KIF14: variants seen among roughly 807,000 people sequenced by gnomAD.
KIF14 encodes kinesin family member 14.
A neutral mutation model predicts 176.2 loss-of-function variants in KIF14; 98 were observed. That is an observed-to-expected ratio of 0.56 (90% CI 0.47 to 0.66). The LOEUF (loss-of-function observed/expected upper bound fraction) is 0.66, where lower values mean the gene tolerates loss of function less well. Among genes scored for constraint, KIF14 ranks in the 30% least tolerant of loss-of-function variants. The pLI is 0.00. For synonymous variants in KIF14, 566 were observed against 632.2 expected, an observed-to-expected ratio of 0.90 and a Z score of 1.57; for missense variants, 1,751 against 1,920.4, an observed-to-expected ratio of 0.91 and a Z score of 1.65.
chr1:200,595,075 T>G (rs190080729), intron 14 of KIF14, among the ~76,000 whole-genome samples: 14 of 152,298 alleles, frequency 9.2e-5, no homozygotes, highest in Admixed American at 9.2e-4. Context: ...TAATCAACCA[T>G]ATGAATACTC....
At chr1:200,596,902 T>TC (rs1337041152) in intron 14 of KIF14, among the ~76,000 whole-genome samples, 9 of 143,532 alleles carry the variant, frequency 6.3e-5, no homozygotes, top group African/African-American at 2.1e-4. Context: ...TTTTTTTTTT[T>TC]TTTTTTTTTT....
chr1:200,600,752 G>A (rs1057399456), intron 11 of KIF14, among the ~76,000 whole-genome samples: 2 of 152,120 alleles, frequency 1.3e-5, no homozygotes, highest in African/African-American at 4.8e-5. Flanking sequence ...ATAATGTACT[G>A]ACCAAAGTGG....
rs966428066 is a variant in KIF14 at position 200,593,667 on chromosome 1, A to G, written c.2652T>C (p.His884=). ...TATATTATAGCACCCATCCACTTAC[A>G]TGACGTAATACTGTGATTTCCAAAA... ...KHILEITVLR[H]GDRVILGGDH... Residue 884 remains histidine (H), a splice_region_variant and synonymous_variant, in exon 15 of 30, where the codon CAT becomes CAC. Transcript: ENST00000367350. The G allele has an allele frequency of 1.9e-6, 3 of 1,569,798 alleles. No individual in the cohort carries two copies. The highest frequency in any genetic ancestry group is 1.7e-5 in the Admixed American group (1 of 59,896).
At chr1:200,581,757 T>G (rs1658468795) in intron 19 of KIF14, among the ~76,000 whole-genome samples, 1 of 135,814 alleles carries the variant, frequency 7.4e-6, no homozygotes, top group East Asian at 2.6e-4. Context: ...ACAATTTCAC[T>G]TTCCTTTTTT....
chr1:200,608,125 A>T (rs1170641229), intron 5 of KIF14, among the ~76,000 whole-genome samples: 1 of 152,214 alleles, frequency 6.6e-6, no homozygotes, highest in Non-Finnish European at 1.5e-5. Context: ...GATTATCTAC[A>T]AGGTATGAAT....
chr1:200,583,560 G>A (rs1278934358), intron 19 of KIF14, among the ~76,000 whole-genome samples: 1 of 152,128 alleles, frequency 6.6e-6, no homozygotes, highest in Non-Finnish European at 1.5e-5. Context: ...TTTATAGTTT[G>A]TTTAAAATTT....
In KIF14 at chr1:200,593,436, T is replaced by C. The variant is rs1388789043; in HGVS notation, c.2652+231A>G. Among the ~76,000 whole-genome samples, 6 of 152,240 alleles carry C rather than the reference T, an allele frequency of 3.9e-5. No individual in the cohort carries two copies. In the East Asian group the frequency reaches 7.7e-4, roughly 20 times the overall value. ...TCTGATTCTAAAGCCTAGCTCTTTATAGGACACATAATGATGCTATTAGTG... is the reference window on the plus strand; with the variant it reads ...TCTGATTCTAAAGCCTAGCTCTTTACAGGACACATAATGATGCTATTAGTG... On this transcript the variant is annotated intron_variant, in intron 15 of 29. Transcript: ENST00000367350.
In KIF14 at chr1:200,618,511, G is replaced by A; in HGVS notation, c.213C>T (p.Ala71=). ...RDINRTYVIS[A]SRKTADMPLT... is the part of the protein sequence containing the mutation. Reference sequence around the variant, plus strand: ...GGGGCATGTCTGCTGTTTTTCTACTGGCAGAAATAACATAAGTTCTATTTA... The same window carrying A: ...GGGGCATGTCTGCTGTTTTTCTACTAGCAGAAATAACATAAGTTCTATTTA... Residue 71 remains alanine, a synonymous_variant, in exon 2 of 30, where the codon GCC becomes GCT. Coordinates refer to ENST00000367350, the MANE Select transcript of KIF14 (RefSeq NM_014875.3). The A allele has an allele frequency of 6.2e-7, 1 of 1,613,994 alleles. No homozygotes were observed. Among genetic ancestry groups the A allele is most frequent in the Non-Finnish European group, 8.5e-7 (1 of 1,179,900 alleles).
intron 19 of KIF14, among the ~76,000 whole-genome samples, chr1:200,584,194 C>T (rs1658614260): frequency 7.5e-6 from 1 of 133,154 alleles, no homozygotes; most frequent in South Asian, 2.5e-4. Flanking sequence ...CTCCAGCCTG[C>T]CAACACATAA....
At chr1:200,554,663 G>T in intron 28 of KIF14, 57 bp from the exon 29 acceptor site, 1 of 866,432 alleles carries the variant, frequency 1.2e-6, no homozygotes, top group Non-Finnish European at 1.8e-6. Context: ...ATGGCAGTAA[G>T]GCTCAGTCAA....
intron 5 of KIF14, among the ~76,000 whole-genome samples, chr1:200,607,181 C>T (rs1406381446): frequency 6.6e-6 from 1 of 151,718 alleles, no homozygotes; most frequent in African/African-American, 2.4e-5. Flanking sequence ...GCTCTGTGGC[C>T]CAGGCTGGAG....
In KIF14 at chr1:200,618,627, T is replaced by A. The variant is rs760296546; in HGVS notation, c.97A>T (p.Ser33Cys). The A allele has an allele frequency of 3.1e-6, 5 of 1,614,122 alleles. No homozygotes were observed. In the East Asian group the frequency reaches 1.1e-4, roughly 36 times the overall value. Residue 33 changes from serine (S) to cysteine (C), a missense_variant, in exon 2 of 30, where the codon AGT becomes TGT. Ser to Cys is a moderately radical substitution (Grantham distance 112). Coordinates refer to ENST00000367350, the MANE Select transcript of KIF14 (RefSeq NM_014875.3). ...NSSSLNALTH[S>C]SRLKLHLKSD... ...TTCAAATGCAGCTTAAGTCGGCTACTGTGGGTGAGGGCATTCAGTGATGAA... is the reference window on the plus strand; with the variant it reads ...TTCAAATGCAGCTTAAGTCGGCTACAGTGGGTGAGGGCATTCAGTGATGAA...
chr1:200,581,821 T>C (rs956796835), intron 19 of KIF14, among the ~76,000 whole-genome samples: 1 of 145,686 alleles, frequency 6.9e-6, no homozygotes, highest in Admixed American at 7.2e-5. Flanking sequence ...GGCTATATAG[T>C]ACAGTGGCTC....
At position 200,583,123 on chromosome 1, in the gene KIF14, A is replaced by C. The variant is rs552423223; in HGVS notation, c.3242-1829T>G. 2.5e-4 allele frequency among the ~76,000 whole-genome samples: 38 copies of C among 152,308 alleles called. No individual in the cohort carries two copies. The South Asian group carries it at 7.7e-3, about 31-fold the overall frequency. ...TTTCTTCAGCAAATTACTAGATGAA[A>C]GAGAAGAGTGAATTTACAGATTAAA... On this transcript the variant is annotated intron_variant, in intron 19 of 29. Transcript: ENST00000367350.
At chr1:200,578,289 T>C (rs1658244987) in intron 21 of KIF14, among the ~76,000 whole-genome samples, 1 of 152,136 alleles carries the variant, frequency 6.6e-6, no homozygotes, top group Non-Finnish European at 1.5e-5. Context: ...TTATTTTCAT[T>C]TTTCCATTAA....
At position 200,608,869 on chromosome 1, in the gene KIF14, A is replaced by T. The variant is rs747843114; in HGVS notation, c.1515T>A (p.Leu505=). The T allele has an allele frequency of 3.1e-6, 5 of 1,610,600 alleles. No homozygotes were observed. The South Asian group carries it at 4.4e-5, about 14-fold the overall frequency. Residue 505 remains leucine (L), a synonymous_variant, in exon 5 of 30, where the codon CTT becomes CTA. Coordinates refer to ENST00000367350, the MANE Select transcript of KIF14 (RefSeq NM_014875.3). ...GCCCATTTTCATCTTTACAAACCAG[A>T]AGGTCGTGAATTTTTTCATTATATA... ...FEVYNEKIHD[L]LVCKDENGQR... is the part of the protein sequence containing the mutation.
Position 200,565,068 on chromosome 1 carries a change from C to T in KIF14, c.4071+1G>A, listed in dbSNP as rs1466227544. The T allele has an allele frequency of 1.2e-6, 2 of 1,602,488 alleles. No individual in the cohort carries two copies. Among genetic ancestry groups the T allele is most frequent in the South Asian group, 1.1e-5 (1 of 90,090 alleles). On this transcript the variant is annotated splice_donor_variant, in intron 25 of 29. Coordinates refer to ENST00000367350, the MANE Select transcript of KIF14 (RefSeq NM_014875.3). LOFTEE classifies it high-confidence loss of function. ...AAATGATAATAAGCAAATCAATTTA[C>T]CTGCAAAAATAACTGTAAGTAGCCT... is the stretch of plus-strand genomic sequence containing the variant.
rs1195794347 is a variant in KIF14 at position 200,600,187 on chromosome 1, A to G, written c.2301-74T>C. ...AAGATTGAGAGTCAAGAGACAATCAATGAAAATTAGGCAACTACCTAGTAA... is the reference window on the plus strand; with the variant it reads ...AAGATTGAGAGTCAAGAGACAATCAGTGAAAATTAGGCAACTACCTAGTAA... On this transcript the variant is annotated intron_variant, in intron 12 of 29. Coordinates refer to ENST00000367350, the MANE Select transcript of KIF14 (RefSeq NM_014875.3). 12 of 1,274,212 alleles carry G rather than the reference A, an allele frequency of 9.4e-6. No individual in the cohort carries two copies. In the East Asian group the frequency reaches 1.6e-4, roughly 17 times the overall value. The allele number at this position is 1,274,212 out of a possible 1,614,324, so 78.9% of individuals were successfully genotyped here. A position where few individuals can be genotyped will look rare whatever the true frequency, so the allele number is the denominator to read the frequency against.
Position 200,617,995 on chromosome 1 carries a change from C to T in KIF14, c.729G>A (p.Lys243=). 3 of 1,614,182 alleles carry T rather than the reference C, an allele frequency of 1.9e-6. No homozygotes were observed. The highest frequency in any genetic ancestry group is 2.5e-6 in the Non-Finnish European group (3 of 1,180,032). ...GHLTTKPTQS[K]LDIKVLGTGN... is the part of the protein sequence containing the mutation. ...CTGTTCCCAACACTTTGATATCCAA[C>T]TTGCTCTGAGTAGGTTTCGTTGTCA... Residue 243 remains lysine, a synonymous_variant, in exon 2 of 30, where the codon AAG becomes AAA. Transcript: ENST00000367350.
Sources: allele counts gnomAD v4.1 joint callset (sites outside exome capture counted in the v4.1 genomes callset), GRCh38; gene constraint gnomAD v4.1.1; transcripts MANE v1.5; gene names NCBI Gene and HGNC (gene_info 2026-07-23, HGNC 2026-07-21).